ELK1: variants seen among roughly 807,000 people sequenced by gnomAD.
The protein encoded by ELK1 is ETS transcription factor ELK1, also known as ETS domain-containing protein Elk-1.
For missense variants in ELK1, 254 were observed against 381.5 expected, an observed-to-expected ratio of 0.67 and a Z score of 2.78; for synonymous variants, 163 against 176.3, an observed-to-expected ratio of 0.92 and a Z score of 0.60.
rs932829998 is a variant in ELK1, at chrX:47,635,666, A to G, written c.*1163T>C. 2 of 111,546 alleles carry G rather than the reference A, an allele frequency of 1.8e-5. No homozygotes were observed. The highest frequency in any genetic ancestry group is 6.6e-5 in the African/African-American group (2 of 30,443). 9.2% of individuals were successfully genotyped at this position (111,546 alleles called of 1,213,427 possible). A position where few individuals can be genotyped will look rare whatever the true frequency, so the allele number is the denominator to read the frequency against. On this transcript the variant is annotated 3_prime_UTR_variant, in exon 7 of 7. Transcript: ENST00000376983. Reference sequence around the variant, plus strand: ...CCAAATCACCAACCCCCAGGTCCCAAGGCCTGGGCTGGGCCAGCGCTAACA... The same window carrying G: ...CCAAATCACCAACCCCCAGGTCCCAGGGCCTGGGCTGGGCCAGCGCTAACA...
intron 3 of ELK1, 105 bp from the exon 4 acceptor site, chrX:47,639,443 G>A: frequency 6.9e-6 from 5 of 725,060 alleles, no homozygotes; most frequent in Non-Finnish European, 6.3e-6. Context: ...TCTTCTCCTA[G>A]TGGCTTTCTT....
chrX:47,643,569 C>T (rs1200913088), intron 2 of ELK1, among the ~76,000 whole-genome samples: 3 of 111,650 alleles, frequency 2.7e-5, no homozygotes, highest in Non-Finnish European at 5.6e-5. Context: ...TGAACACAGC[C>T]GATTACAGAG....
chrX:47,635,781 C>T lies in ELK1; in HGVS notation c.*1048G>A, dbSNP rs1254437322. 1 of 110,760 alleles carries T rather than the reference C, an allele frequency of 9.0e-6. No individual in the cohort carries two copies. The highest frequency in any genetic ancestry group is 1.9e-5 in the Non-Finnish European group (1 of 52,812). The allele number at this position is 110,760 out of a possible 1,213,427, so 9.1% of individuals were successfully genotyped here. The stretch of plus-strand genomic sequence containing the variant: ...TGTCCCCCATTCCTCCCTCCCAACT[C>T]CAGGGACATTGAAAGGGTCCTTTGT... On this transcript the variant is annotated 3_prime_UTR_variant, in exon 7 of 7. Transcript: ENST00000376983.
intron 4 of ELK1, 59 bp downstream of exon 4, chrX:47,638,835 AT>A: frequency 8.8e-7 from 1 of 1,130,859 alleles, no homozygotes; most frequent in South Asian, 1.9e-5. Context: ...TCATCCGGGG[AT>A]TACACATCCC....
At chrX:47,638,256 G>A in intron 4 of ELK1, 74 bp from the exon 5 acceptor site, 1 of 1,136,739 alleles carries the variant, frequency 8.8e-7, no homozygotes, top group South Asian at 1.9e-5. Flanking sequence ...GGGCCACCCA[G>A]TGATTTCCCC....
Position 47,639,012 on chromosome X carries a change from C to T in ELK1, c.537G>A (p.Val179=). 2.5e-6 allele frequency: 3 copies of T among 1,201,819 alleles called. No homozygotes were observed. In the Admixed American group the frequency reaches 6.8e-5, roughly 27 times the overall value. ...PQPPPHPRPA[V]VLPSAAPAGA... ...CTGCAGGAGCTGCACTGGGGAGCAC[C>T]ACAGCAGGCCGAGGATGAGGGGGTG... Residue 179 remains valine (V), a synonymous_variant, in exon 4 of 7, where the codon GTG becomes GTA. Transcript: ENST00000376983.
chrX:47,637,285 ACT>A lies in ELK1; in HGVS notation c.1087-173_1087-172del, dbSNP rs767683410. 5.5e-5 allele frequency among the ~76,000 whole-genome samples: 6 copies of A among 109,291 alleles called. No homozygotes were observed. In the South Asian group the frequency reaches 2.4e-3, roughly 44 times the overall value. The allele number at this position is 109,291 out of a possible 115,157, so 94.9% of individuals were successfully genotyped here. A position where few individuals can be genotyped will look rare whatever the true frequency, so the allele number is the denominator to read the frequency against. ...GGAGGCCATGCCTATGATCTCTCAA[ACT>A]CTGCAGACACCCCCCACTCCCCACT... On this transcript the variant is annotated intron_variant, in intron 5 of 6. Transcript: ENST00000376983.
Position 47,636,828 on chromosome X carries a change from G to T in ELK1, c.*1C>A. On this transcript the variant is annotated 3_prime_UTR_variant, in exon 7 of 7. Coordinates refer to ENST00000376983, the MANE Select transcript of ELK1 (RefSeq NM_001114123.3). ...AGGGGTGGTGGTGGTGGTGGTAGTA[G>T]TCATGGCTTCTGGGGCCCTGGGGAG... 1.7e-6 allele frequency: 2 copies of T among 1,143,273 alleles called. No individual in the cohort carries two copies. Among genetic ancestry groups the T allele is most frequent in the Non-Finnish European group, 2.3e-6 (2 of 858,090 alleles). The allele number at this position is 1,143,273 out of a possible 1,213,427, so 94.2% of individuals were successfully genotyped here.
Position 47,642,058 on chromosome X carries a change from G to A in ELK1, c.-34-583C>T, listed in dbSNP as rs138448569. Among the ~76,000 whole-genome samples, 795 of 111,923 alleles carry A rather than the reference G, an allele frequency of 7.1e-3. 7 individuals carry two copies. The highest frequency in any genetic ancestry group is 0.023 in the African/African-American group (714 of 30,788). On this transcript the variant is annotated intron_variant, in intron 2 of 6. Transcript: ENST00000376983. ...GGAAGGAGGCTCAGAATCAAGGACTGTGGGCAGCCTCTTAAAGCTGGGAAT... is the reference window on the plus strand; with the variant it reads ...GGAAGGAGGCTCAGAATCAAGGACTATGGGCAGCCTCTTAAAGCTGGGAAT...
intron 3 of ELK1, 80 bp from the exon 4 acceptor site, chrX:47,639,418 G>T (rs1033568088): frequency 7.2e-5 from 60 of 831,852 alleles, no homozygotes; most frequent in Non-Finnish European, 1.0e-4. Context: ...GAGGAGGGGG[G>T]TGGAGTGGCA....
Position 47,636,051 on chromosome X carries a change from G to C in ELK1, c.*778C>G, listed in dbSNP as rs771913658. On this transcript the variant is annotated 3_prime_UTR_variant, in exon 7 of 7. Coordinates refer to ENST00000376983, the MANE Select transcript of ELK1 (RefSeq NM_001114123.3). ...AGAGACAGGGAGACCTGGAGTACTG[G>C]CTGGAGGGGCCCCCCAGACGGGGAC... 9.0e-6 allele frequency: 1 copy of C among 111,337 alleles called. No individual in the cohort carries two copies. The highest frequency in any genetic ancestry group is 3.3e-5 in the African/African-American group (1 of 30,530). The allele number at this position is 111,337 out of a possible 1,213,427, so 9.2% of individuals were successfully genotyped here.
At position 47,637,793 on chromosome X, in the gene ELK1, C is replaced by T. The variant is rs1463645286; in HGVS notation, c.1044G>A (p.Pro348=). The change falls in exon 5 of 7, where the codon CCG becomes CCA. Residue 348 remains proline, a synonymous_variant. Coordinates refer to ENST00000376983, the MANE Select transcript of ELK1 (RefSeq NM_001114123.3). ...GSGSGSGLQA[P]GPALTPSLLP... is the part of the protein sequence containing the mutation. ...GCAGGGATGGGGTCAGCGCCGGCCC[C>T]GGAGCCTGGAGGCCGGAGCCACTTC... is the stretch of plus-strand genomic sequence containing the variant. 3 of 1,194,790 alleles carry T rather than the reference C, an allele frequency of 2.5e-6. No individual in the cohort carries two copies. The highest frequency in any genetic ancestry group is 3.5e-5 in the African/African-American group (2 of 57,064).
chrX:47,648,040 A>G (rs965056314), intron 2 of ELK1, among the ~76,000 whole-genome samples: 4 of 112,204 alleles, frequency 3.6e-5, no homozygotes, highest in Non-Finnish European at 7.5e-5. Flanking sequence ...AAATAACACT[A>G]CCCAGGTACA....
chrX:47,646,738 G>T (rs1403811791), intron 2 of ELK1, among the ~76,000 whole-genome samples: 1 of 112,502 alleles, frequency 8.9e-6, no homozygotes, highest in East Asian at 2.8e-4. Context: ...ATACTCCACA[G>T]ATATTAGCTA....
chrX:47,645,562 A>G (rs2058040989), intron 2 of ELK1, among the ~76,000 whole-genome samples: 1 of 112,271 alleles, frequency 8.9e-6, no homozygotes, highest in Admixed American at 9.4e-5. Flanking sequence ...CAGGGTGTAC[A>G]AGGAGTTCTT....
chrX:47,641,548 T>C, intron 2 of ELK1, 73 bp from the exon 3 acceptor site: 1 of 780,920 alleles, frequency 1.3e-6, no homozygotes, highest in Non-Finnish European at 1.9e-6. Context: ...GAGGATTCCT[T>C]TTTTTGTCAT....
chrX:47,640,181 T>C (rs1248546026), intron 3 of ELK1, among the ~76,000 whole-genome samples: 1 of 111,839 alleles, frequency 8.9e-6, no homozygotes, highest in Non-Finnish European at 1.9e-5. Flanking sequence ...GTCTGGTGGG[T>C]CTCAGAGATG....
At chrX:47,649,451 G>A (rs1418982669) in intron 2 of ELK1, 1 of 110,791 alleles carries the variant, frequency 9.0e-6, no homozygotes, top group Non-Finnish European at 1.9e-5. Flanking sequence ...CTCACGGGAG[G>A]GTATGCGGGG....
intron 1 of ELK1, 124 bp downstream of exon 1, chrX:47,650,299 T>C: frequency 4.7e-6 from 1 of 211,499 alleles, no homozygotes; most frequent in East Asian, 2.0e-4. Context: ...CCACCAGCCG[T>C]GGTGGTGGCG....
Sources: gnomAD v4.1 joint callset for allele counts (sites outside exome capture counted in the v4.1 genomes callset) on GRCh38, gnomAD v4.1.1 for gene constraint, MANE v1.5 for transcripts, NCBI Gene and HGNC (gene_info 2026-07-23, HGNC 2026-07-21) for gene names.